Variants in CFH observed in about 807,000 individuals in gnomAD.
CFH encodes the protein complement factor H, also known as H factor 1 (complement).
A neutral mutation model predicts 147.3 loss-of-function variants in CFH; 53 were observed. The ratio of observed to expected loss-of-function variants is 0.36; its 90% CI spans 0.29 to 0.45. The LOEUF (loss-of-function observed/expected upper bound fraction) is 0.45, where lower values mean the gene tolerates loss of function less well. Among genes scored for constraint, CFH ranks in the 20% least tolerant of loss-of-function variants. The pLI is 1.00. For missense variants in CFH, 1,380 were observed against 1,498.0 expected, an observed-to-expected ratio of 0.92 and a Z score of 1.30; for synonymous variants, 536 against 489.4, an observed-to-expected ratio of 1.10 and a Z score of -1.26.
intron 1 of CFH, among the ~76,000 whole-genome samples, chr1:196,652,677 T>C (rs1666543052): frequency 6.6e-6 from 1 of 151,780 alleles, no homozygotes; most frequent in South Asian, 2.1e-4. Context: ...AGACAAGTAT[T>C]ACTTGTATTA....
At chr1:196,672,290 T>C (rs1389392701) in intron 1 of CFH, among the ~76,000 whole-genome samples, 1 of 152,174 alleles carries the variant, frequency 6.6e-6, no homozygotes, top group Non-Finnish European at 1.5e-5. Flanking sequence ...CTATATTTAC[T>C]TGAAACAGGT....
At chr1:196,732,683 G>A (rs946404298) in intron 15 of CFH, among the ~76,000 whole-genome samples, 5 of 151,976 alleles carry the variant, frequency 3.3e-5, no homozygotes, top group Non-Finnish European at 7.4e-5. Context: ...GCGGACTGCT[G>A]TCTCTTATTT....
intron 15 of CFH, among the ~76,000 whole-genome samples, chr1:196,733,292 G>C (rs919025009): frequency 6.6e-5 from 10 of 152,070 alleles, no homozygotes; most frequent in African/African-American, 2.2e-4. Flanking sequence ...CCTTTCGACA[G>C]AGAAATGGAA....
At position 196,685,120 on chromosome 1, in the gene CFH, A is replaced by G. The variant is rs747978553; in HGVS notation, c.847A>G (p.Lys283Glu). The stretch of plus-strand genomic sequence containing the variant: ...TGGTGACTACTCACCTTTAAGGATT[A>G]AACACAGAACTGGAGATGAAATCAC... ...PNGDYSPLRI[K>E]HRTGDEITYQ... The change falls in exon 7 of 22, where the codon AAA becomes GAA. Residue 283 changes from lysine (K) to glutamate (E), a missense_variant. Physicochemically the swap from Lys to Glu is moderately conservative, Grantham distance 56. Around this residue, in one of 4 missense-constraint regions of CFH, gnomAD observed 167 missense variants for 228.0 expected, o/e 0.73. Transcript: ENST00000367429. The G allele has an allele frequency of 6.2e-7, 1 of 1,612,862 alleles. No individual in the cohort carries two copies. The highest frequency in any genetic ancestry group is 8.5e-7 in the Non-Finnish European group (1 of 1,179,088).
intron 12 of CFH, 87 bp downstream of exon 12, chr1:196,725,384 T>C: frequency 6.2e-6 from 8 of 1,286,900 alleles, no homozygotes; most frequent in Non-Finnish European, 9.0e-6. Context: ...GGGCTCCCAT[T>C]GCCTGTAATC....
intron 3 of CFH, 74 bp downstream of exon 3, chr1:196,674,036 A>C: frequency 9.7e-7 from 1 of 1,034,340 alleles, no homozygotes; most frequent in Non-Finnish European, 1.5e-6. Context: ...TATATTTTTA[A>C]GGTTATTATA....
At chr1:196,743,430 C>T (rs201139101) in intron 19 of CFH, 22 bp from the exon 20 acceptor site, 7 of 1,613,754 alleles carry the variant, frequency 4.3e-6, no homozygotes, top group Non-Finnish European at 5.9e-6. Context: ...TAGGTGGAAC[C>T]ACTTCTTTTT....
chr1:196,657,017 C>A (rs1029887422), intron 1 of CFH, among the ~76,000 whole-genome samples: 1 of 151,956 alleles, frequency 6.6e-6, no homozygotes, highest in Non-Finnish European at 1.5e-5. Flanking sequence ...CGCTTTGTTG[C>A]CTGAGGCTGG....
chr1:196,736,882 A>C lies in CFH; in HGVS notation c.2472A>C (p.Thr824=). Residue 824 remains threonine, a synonymous_variant, in exon 16 of 22, where the codon ACA becomes ACC. Coordinates refer to ENST00000367429, the MANE Select transcript of CFH (RefSeq NM_000186.4). ...PPQIPNSHNM[T]TTLNYRDGEK... ...AGATTCCCAATTCTCACAATATGACAACCACACTGAATTATCGGGATGGAG... is the reference window on the plus strand; with the variant it reads ...AGATTCCCAATTCTCACAATATGACCACCACACTGAATTATCGGGATGGAG... 1.2e-6 allele frequency: 2 copies of C among 1,606,478 alleles called. No individual in the cohort carries two copies. The highest frequency in any genetic ancestry group is 1.7e-6 in the Non-Finnish European group (2 of 1,175,686).
intron 9 of CFH, among the ~76,000 whole-genome samples, chr1:196,701,781 A>T (rs1031077053): frequency 4.6e-5 from 7 of 152,240 alleles, no homozygotes; most frequent in Middle Eastern, 3.4e-3. Context: ...GTTCTCCCAA[A>T]GTAACCCACA....
intron 9 of CFH, among the ~76,000 whole-genome samples, chr1:196,709,199 T>A (rs1374377748): frequency 1.3e-5 from 2 of 152,174 alleles, no homozygotes; most frequent in Non-Finnish European, 2.9e-5. Flanking sequence ...TCTGAATAGT[T>A]TTTTGAGCTT....
At chr1:196,681,724 G>T (rs963738960) in intron 6 of CFH, among the ~76,000 whole-genome samples, 12 of 151,648 alleles carry the variant, frequency 7.9e-5, no homozygotes, top group Non-Finnish European at 1.8e-4. Flanking sequence ...AATTAGTTAA[G>T]CATACACTCT....
At chr1:196,697,905 C>CA (rs1668330768) in intron 9 of CFH, among the ~76,000 whole-genome samples, 2 of 147,880 alleles carry the variant, frequency 1.4e-5, no homozygotes, top group African/African-American at 5.0e-5. Context: ...ATGGCAATGA[C>CA]AAAAAACCAA....
chr1:196,731,040 C>T (rs1573070706), intron 15 of CFH, among the ~76,000 whole-genome samples: 1 of 151,666 alleles, frequency 6.6e-6, no homozygotes, highest in East Asian at 1.9e-4. Flanking sequence ...CATTCTATGC[C>T]TTTTGATTAT....
chr1:196,675,457 A>G (rs1441475763), intron 3 of CFH, among the ~76,000 whole-genome samples: 3 of 152,136 alleles, frequency 2.0e-5, no homozygotes, highest in Non-Finnish European at 4.4e-5. Flanking sequence ...TAGAAACCCT[A>G]AGGTGTTCAG....
In CFH at chr1:196,699,293, C is replaced by T. The variant is rs192182017; in HGVS notation, c.1336+9054C>T. The stretch of plus-strand genomic sequence containing the variant: ...GTGATGGTATTGCATTCCCTAGTGA[C>T]TAATGCTGCTTAGCATCTTCTTTGT... On this transcript the variant is annotated intron_variant, in intron 9 of 21. Coordinates refer to ENST00000367429, the MANE Select transcript of CFH (RefSeq NM_000186.4). Among the ~76,000 whole-genome samples the T allele has an allele frequency of 2.6e-5, 4 of 152,178 alleles. No individual in the cohort carries two copies. The East Asian group carries it at 7.7e-4, about 29-fold the overall frequency.
intron 9 of CFH, among the ~76,000 whole-genome samples, chr1:196,703,705 C>G (rs1182592500): frequency 2.0e-5 from 3 of 151,950 alleles, no homozygotes; most frequent in African/African-American, 7.3e-5. Flanking sequence ...CAGTTTTTTG[C>G]TGGGCGCGGT....
rs385892 is a variant in CFH, at chr1:196,741,660, T to G, written c.2957-215T>G. ...GCTACGGCTACCAATATTTCTTCAGTCTTCTAATATCATTTCTATCTTGTA... is the reference window on the plus strand; with the variant it reads ...GCTACGGCTACCAATATTTCTTCAGGCTTCTAATATCATTTCTATCTTGTA... On this transcript the variant is annotated intron_variant, in intron 18 of 21. Transcript: ENST00000367429. 16,277 of 536,318 alleles carry G rather than the reference T, an allele frequency of 0.03. 1,919 individuals are homozygous for G. Among genetic ancestry groups the G allele is most frequent in the African/African-American group, 0.26 (13,876 of 52,366 alleles). The allele number at this position is 536,318 out of a possible 1,614,324, so 33.2% of individuals were successfully genotyped here.
chr1:196,725,381 C>A, intron 12 of CFH, 84 bp downstream of exon 12: 2 of 1,317,150 alleles, frequency 1.5e-6, no homozygotes, highest in Non-Finnish European at 2.2e-6. Flanking sequence ...TTTGGGCTCC[C>A]ATTGCCTGTA....
Sources: allele counts gnomAD v4.1 joint callset (sites outside exome capture counted in the v4.1 genomes callset), GRCh38; gene constraint gnomAD v4.1.1; regional missense constraint gnomAD v4.1.1; transcripts MANE v1.5; gene names NCBI Gene and HGNC (gene_info 2026-07-23, HGNC 2026-07-21).